The following BAIAP2L1 variants were observed in gnomAD, a reference collection of about 807,000 sequenced individuals.
The protein encoded by BAIAP2L1 is BAR/IMD domain containing adaptor protein 2 like 1.
BAIAP2L1 carries 35 observed loss-of-function variants against 66.3 expected under a neutral mutation model. The ratio of observed to expected loss-of-function variants is 0.53; its 90% confidence interval spans 0.40 to 0.70. The LOEUF is 0.70. Ranked by LOEUF, BAIAP2L1 falls within the 30% of genes least tolerant of loss-of-function variation. The pLI is 0.00. For synonymous variants in BAIAP2L1, 269 were observed against 248.7 expected (o/e 1.08, Z -0.77); for missense variants, 622 against 656.9 (o/e 0.95, Z 0.58).
At position 98,302,033 on chromosome 7, in the gene BAIAP2L1, G is replaced by A. The variant is rs559614678; in HGVS notation, c.1422+2163C>T. The stretch of plus-strand genomic sequence containing the variant: ...GAAGCCGGTAAGAGGCGTGCACCGT[G>A]CGCTGGCAGTCTCCCGACACTGACA... On this transcript the variant is annotated intron_variant, in intron 12 of 13. Coordinates refer to ENST00000005260, the MANE Select transcript of BAIAP2L1 (RefSeq NM_018842.5). 3.3e-5 allele frequency among the ~76,000 whole-genome samples: 5 copies of A among 152,308 alleles called. No homozygotes were observed. In the East Asian group the frequency reaches 7.7e-4, roughly 24 times the overall value.
intron 3 of BAIAP2L1, among the ~76,000 whole-genome samples, chr7:98,325,784 A>C (rs1355832061): frequency 6.6e-6 from 1 of 152,226 alleles, no homozygotes; most frequent in Non-Finnish European, 1.5e-5. Flanking sequence ...AAACAGTGGA[A>C]GTAAAAGCAA....
chr7:98,384,210 C>T (rs560586688), intron 1 of BAIAP2L1, among the ~76,000 whole-genome samples: 51 of 150,156 alleles, frequency 3.4e-4, no homozygotes, highest in Non-Finnish European at 5.6e-4. Context: ...CCGTCTTACA[C>T]GGAAACAGGT....
At chr7:98,373,116 C>T (rs906260304) in intron 1 of BAIAP2L1, among the ~76,000 whole-genome samples, 4 of 152,186 alleles carry the variant, frequency 2.6e-5, no homozygotes, top group South Asian at 2.1e-4. Flanking sequence ...CCTGGACTAA[C>T]ATCACCAATA....
At chr7:98,314,914 A>G (rs1482113153) in intron 7 of BAIAP2L1, among the ~76,000 whole-genome samples, 1 of 152,218 alleles carries the variant, frequency 6.6e-6, no homozygotes, top group Non-Finnish European at 1.5e-5. Context: ...ATGAAGCATT[A>G]TTTTATGAAG....
At chr7:98,398,917 T>C (rs1210277541) in intron 1 of BAIAP2L1, among the ~76,000 whole-genome samples, 2 of 152,166 alleles carry the variant, frequency 1.3e-5, no homozygotes, top group South Asian at 2.1e-4. Flanking sequence ...GTGTTCTGTA[T>C]TTTTGCACCC....
At chr7:98,388,170 A>G (rs2115831596) in intron 1 of BAIAP2L1, among the ~76,000 whole-genome samples, 1 of 152,326 alleles carries the variant, frequency 6.6e-6, no homozygotes, top group Non-Finnish European at 1.5e-5. Context: ...AAGAGCTTTC[A>G]TGTATGACTG....
chr7:98,345,755 G>T (rs1801858700), intron 3 of BAIAP2L1, among the ~76,000 whole-genome samples: 1 of 152,104 alleles, frequency 6.6e-6, no homozygotes, highest in Admixed American at 6.6e-5. Flanking sequence ...ATGGTCAAAG[G>T]ATCTGAATAT....
Position 98,292,716 on chromosome 7 carries a change from C to A in BAIAP2L1, c.*805G>T. 1.3e-6 allele frequency: 2 copies of A among 1,551,580 alleles called. No individual in the cohort carries two copies. The highest frequency in any genetic ancestry group is 1.7e-4 in the Middle Eastern group (1 of 5,992). ...TTCAAACACGGAGAAACCAGGACCCCGAGCAGTTTGAGTGTACTGGTAATG... is the reference window on the plus strand; with the variant it reads ...TTCAAACACGGAGAAACCAGGACCCAGAGCAGTTTGAGTGTACTGGTAATG... On this transcript the variant is annotated 3_prime_UTR_variant, in exon 14 of 14. Transcript: ENST00000005260.
intron 1 of BAIAP2L1, among the ~76,000 whole-genome samples, chr7:98,371,396 AG>A (rs2115763961): frequency 6.6e-6 from 1 of 152,308 alleles, no homozygotes; most frequent in East Asian, 1.9e-4. Context: ...TCGCATAAAA[AG>A]AAGCTTGGTT....
Position 98,400,941 on chromosome 7 carries a change from A to C in BAIAP2L1, c.-89T>G. 1 of 1,305,274 alleles carries C rather than the reference A, an allele frequency of 7.7e-7. No homozygotes were observed. Among genetic ancestry groups the C allele is most frequent in the Non-Finnish European group, 1.0e-6 (1 of 993,364 alleles). The allele number at this position is 1,305,274 out of a possible 1,614,324, so 80.9% of individuals were successfully genotyped here. A position where few individuals can be genotyped will look rare whatever the true frequency, so the allele number is the denominator to read the frequency against. ...CGGGCAGCGGGAGGGCCGGGGCGCG[A>C]CTAAGGGGCTCTGGAGGGTCGGCCG... is the stretch of plus-strand genomic sequence containing the variant. On this transcript the variant is annotated 5_prime_UTR_variant, in exon 1 of 14. Coordinates refer to ENST00000005260, the MANE Select transcript of BAIAP2L1 (RefSeq NM_018842.5).
chr7:98,324,309 T>G (rs1449234302), intron 3 of BAIAP2L1, among the ~76,000 whole-genome samples: 1 of 152,210 alleles, frequency 6.6e-6, no homozygotes, highest in Non-Finnish European at 1.5e-5. Flanking sequence ...TCCTCAATAT[T>G]CGCAGAAATA....
Position 98,292,806 on chromosome 7 carries a change from G to C in BAIAP2L1, c.*715C>G. ...AGCCGTGACTCCGACGCCCAGGCCT[G>C]TGTCCTGGATGGGCCGTGTGCAGCG... is the stretch of plus-strand genomic sequence containing the variant. On this transcript the variant is annotated 3_prime_UTR_variant, in exon 14 of 14. Transcript: ENST00000005260. 1.3e-6 allele frequency: 2 copies of C among 1,533,104 alleles called. No homozygotes were observed. The highest frequency in any genetic ancestry group is 8.8e-7 in the Non-Finnish European group (1 of 1,136,866). 95.0% of individuals were successfully genotyped at this position (1,533,104 alleles called of 1,614,324 possible). A position where few individuals can be genotyped will look rare whatever the true frequency, so the allele number is the denominator to read the frequency against.
chr7:98,302,695 G>A (rs1245164673), intron 12 of BAIAP2L1, among the ~76,000 whole-genome samples: 3 of 152,200 alleles, frequency 2.0e-5, no homozygotes, highest in East Asian at 1.9e-4. Flanking sequence ...GGCAGAGGGG[G>A]GACCTGTAGC....
chr7:98,305,059 T>G (rs1376667126), intron 11 of BAIAP2L1, among the ~76,000 whole-genome samples: 4 of 146,864 alleles, frequency 2.7e-5, no homozygotes, highest in African/African-American at 7.5e-5. Context: ...TTTTTTTTTT[T>G]TTTTTTTTTT....
intron 3 of BAIAP2L1, among the ~76,000 whole-genome samples, chr7:98,346,205 G>A (rs1396013601): frequency 2.0e-5 from 3 of 152,072 alleles, no homozygotes; most frequent in African/African-American, 4.8e-5. Flanking sequence ...AGGACTTCCA[G>A]TAACGAAAGA....
chr7:98,320,599 T>G (rs1055619127), intron 3 of BAIAP2L1, among the ~76,000 whole-genome samples: 4 of 152,136 alleles, frequency 2.6e-5, no homozygotes, highest in Non-Finnish European at 5.9e-5. Flanking sequence ...CCTCTCAAAG[T>G]TCTGGGATTA....
Position 98,293,017 on chromosome 7 carries a change from T to A in BAIAP2L1, c.*504A>T, listed in dbSNP as rs1800034779. 1.9e-6 allele frequency: 2 copies of A among 1,026,998 alleles called. No homozygotes were observed. The highest frequency in any genetic ancestry group is 2.4e-6 in the Non-Finnish European group (2 of 835,940). The allele number at this position is 1,026,998 out of a possible 1,614,324, so 63.6% of individuals were successfully genotyped here. On this transcript the variant is annotated 3_prime_UTR_variant, in exon 14 of 14. Coordinates refer to ENST00000005260, the MANE Select transcript of BAIAP2L1 (RefSeq NM_018842.5). ...TACACTTAAACATTTTAAGTTAAAT[T>A]ACATTTATATAGTATTTTCATAATT...
intron 3 of BAIAP2L1, 31 bp downstream of exon 3, chr7:98,355,011 G>GGGTTTATGT: frequency 6.7e-7 from 1 of 1,488,880 alleles, no homozygotes; most frequent in Non-Finnish European, 9.2e-7. Context: ...ATGACAAGTG[G>GGGTTTATGT]GGTTTATGTA....
rs572836981 is a variant in BAIAP2L1, at chr7:98,354,946, T to C, written c.214+96A>G. 130 of 882,926 alleles carry C rather than the reference T, an allele frequency of 1.5e-4. 1 individual carries two copies. The African/African-American group carries it at 1.9e-3, about 13-fold the overall frequency. The allele number at this position is 882,926 out of a possible 1,614,324, so 54.7% of individuals were successfully genotyped here. A position where few individuals can be genotyped will look rare whatever the true frequency, so the allele number is the denominator to read the frequency against. On this transcript the variant is annotated intron_variant, in intron 3 of 13. Coordinates refer to ENST00000005260, the MANE Select transcript of BAIAP2L1 (RefSeq NM_018842.5). ...TAGAACCACAGCATGCTGGCCCAGA[T>C]CTCTCCTCTGTTCTGGACTGGGCCA...
Sources: gnomAD v4.1 joint callset for allele counts (sites outside exome capture counted in the v4.1 genomes callset) on GRCh38, gnomAD v4.1.1 for gene constraint, MANE v1.5 for transcripts, NCBI Gene and HGNC (gene_info 2026-07-23, HGNC 2026-07-21) for gene names.